LPXN: variants seen among roughly 807,000 people sequenced by gnomAD.
LPXN encodes the protein leupaxin.
LPXN carries 28 observed loss-of-function variants against 45.6 expected under a neutral mutation model. That is an observed-to-expected ratio of 0.61 (90% CI 0.45 to 0.84). The LOEUF is 0.84. Ranked by LOEUF, LPXN falls within the 40% of genes least tolerant of loss-of-function variation. LPXN has a pLI of 0.00. For synonymous variants in LPXN, 166 were observed against 169.9 expected (o/e 0.98, Z 0.18); for missense variants, 459 against 475.0 (o/e 0.97, Z 0.31).
intron 7 of LPXN, among the ~76,000 whole-genome samples, chr11:58,543,777 TG>T (rs1157836765): frequency 1.3e-5 from 2 of 152,196 alleles, no homozygotes; most frequent in Non-Finnish European, 1.5e-5. Context: ...TTTGTAAATA[TG>T]AGAGTTCTAC....
At chr11:58,569,415 C>T (rs1854616206) in intron 2 of LPXN, among the ~76,000 whole-genome samples, 1 of 151,588 alleles carries the variant, frequency 6.6e-6, no homozygotes, top group Non-Finnish European at 1.5e-5. Context: ...TTGAGACAAG[C>T]TCTCATTCTG....
At chr11:58,571,333 C>T (rs1854690681) in intron 1 of LPXN, among the ~76,000 whole-genome samples, 1 of 133,326 alleles carries the variant, frequency 7.5e-6, no homozygotes, top group Non-Finnish European at 1.6e-5. Flanking sequence ...GAGTGATACC[C>T]TGTCTCAAAA....
At chr11:58,541,947 A>G (rs1853737510) in intron 7 of LPXN, among the ~76,000 whole-genome samples, 1 of 151,766 alleles carries the variant, frequency 6.6e-6, no homozygotes. Context: ...AGGACAAAAA[A>G]CCAAACACCG....
At chr11:58,564,484 C>T (rs182672029) in intron 2 of LPXN, among the ~76,000 whole-genome samples, 2 of 152,250 alleles carry the variant, frequency 1.3e-5, no homozygotes, top group East Asian at 3.9e-4. Flanking sequence ...TAGATAAGAA[C>T]CATAAATCAA....
At chr11:58,569,693 G>C (rs1042567010) in intron 2 of LPXN, among the ~76,000 whole-genome samples, 5 of 151,986 alleles carry the variant, frequency 3.3e-5, no homozygotes, top group African/African-American at 1.2e-4. Flanking sequence ...CCTGCCCTAG[G>C]TTTTTAAAAT....
Position 58,550,073 on chromosome 11 carries a change from G to A in LPXN, c.560C>T (p.Ser187Phe), listed in dbSNP as rs1565193921. The A allele has an allele frequency of 1.2e-6, 2 of 1,614,184 alleles. No homozygotes were observed. Among genetic ancestry groups the A allele is most frequent in the Non-Finnish European group, 1.7e-6 (2 of 1,180,046 alleles). Reference sequence around the variant, plus strand: ...GCCACTCCGCTCAAAGAAGGGACTGGAGCCAATCTCTTCTTTGCAATGAGT... The same window carrying A: ...GCCACTCCGCTCAAAGAAGGGACTGAAGCCAATCTCTTCTTTGCAATGAGT... ...VCTHCKEEIGSSPFFERSGLA... is the reference protein window; with the variant it reads ...VCTHCKEEIGFSPFFERSGLA... Residue 187 changes from serine (S) to phenylalanine (F), a missense_variant, in exon 6 of 9, where the codon TCC becomes TTC. Physicochemically the swap from Ser to Phe is radical, Grantham distance 155 (BLOSUM62 -2). Transcript: ENST00000395074.
At chr11:58,541,014 C>G (rs576523653) in intron 7 of LPXN, among the ~76,000 whole-genome samples, 1 of 152,232 alleles carries the variant, frequency 6.6e-6, no homozygotes, top group South Asian at 2.1e-4. Context: ...GGATCCCTTC[C>G]TTACACCTTA....
intron 7 of LPXN, among the ~76,000 whole-genome samples, 171 bp from the exon 8 acceptor site, chr11:58,528,362 G>C (rs1853291522): frequency 6.6e-6 from 1 of 152,236 alleles, no homozygotes; most frequent in South Asian, 2.1e-4. Flanking sequence ...TGCAGAGGAA[G>C]TGTTTTGGCA....
chr11:58,562,515 A>G (rs1854408440), intron 3 of LPXN, among the ~76,000 whole-genome samples: 3 of 152,206 alleles, frequency 2.0e-5, no homozygotes, highest in Non-Finnish European at 4.4e-5. Flanking sequence ...CAGTAATAGG[A>G]AGTACATCAA....
chr11:58,544,952 TC>T (rs1231638613), intron 7 of LPXN, among the ~76,000 whole-genome samples: 2 of 152,136 alleles, frequency 1.3e-5, no homozygotes, highest in Non-Finnish European at 2.9e-5. Context: ...GAATTTAATT[TC>T]CCAGGAGGCT....
intron 7 of LPXN, among the ~76,000 whole-genome samples, chr11:58,542,242 T>C (rs1030921172): frequency 2.6e-5 from 4 of 151,894 alleles, no homozygotes; most frequent in African/African-American, 9.7e-5. Context: ...ACATTATAAG[T>C]CAGGAAACTC....
At chr11:58,543,842 C>T (rs1044477865) in intron 7 of LPXN, among the ~76,000 whole-genome samples, 5 of 152,160 alleles carry the variant, frequency 3.3e-5, no homozygotes, top group Non-Finnish European at 7.3e-5. Flanking sequence ...TTCTGTAAAG[C>T]AGACTATCTA....
intron 7 of LPXN, among the ~76,000 whole-genome samples, chr11:58,549,367 C>T (rs1853971136): frequency 6.6e-6 from 1 of 152,134 alleles, no homozygotes; most frequent in Non-Finnish European, 1.5e-5. Flanking sequence ...GATCGCACCA[C>T]TGCACTCCAG....
intron 3 of LPXN, among the ~76,000 whole-genome samples, chr11:58,562,476 A>G (rs566843989): frequency 3.9e-5 from 6 of 152,330 alleles, no homozygotes; most frequent in African/African-American, 1.4e-4. Flanking sequence ...ACTCTCCCAC[A>G]GAGGCCTGGC....
At chr11:58,534,424 C>T (rs947351703) in intron 7 of LPXN, among the ~76,000 whole-genome samples, 1 of 152,120 alleles carries the variant, frequency 6.6e-6, no homozygotes, top group Admixed American at 6.6e-5. Flanking sequence ...TGAACGACTA[C>T]TGGGTAAATA....
intron 7 of LPXN, among the ~76,000 whole-genome samples, chr11:58,546,105 C>G (rs1330082119): frequency 6.6e-6 from 1 of 151,944 alleles, no homozygotes; most frequent in African/African-American, 2.4e-5. Flanking sequence ...GATATGCCAC[C>G]AGATGAGATA....
At chr11:58,575,933 T>C, upstream of LPXN, 1 of 1,450,848 alleles carries the variant, frequency 6.9e-7, no homozygotes, top group Non-Finnish European at 9.0e-7. Flanking sequence ...TCTTTTGATT[T>C]GGTGAGCTTT....
At chr11:58,572,388 T>TAA (rs1288341278) in intron 1 of LPXN, among the ~76,000 whole-genome samples, 1 of 152,044 alleles carries the variant, frequency 6.6e-6, no homozygotes, top group African/African-American at 2.4e-5. Flanking sequence ...CAAACTGAAC[T>TAA]AAACTCTCGG....
Position 58,527,475 on chromosome 11 carries a change from G to A in LPXN, c.1140C>T (p.Phe380=). 1 of 1,614,184 alleles carries A rather than the reference G, an allele frequency of 6.2e-7. No individual in the cohort carries two copies. The highest frequency in any genetic ancestry group is 8.5e-7 in the Non-Finnish European group (1 of 1,180,042). The change falls in exon 9 of 9, where the codon TTC becomes TTT. Residue 380 remains phenylalanine, a synonymous_variant. Transcript: ENST00000395074. The part of the protein sequence containing the change: ...QNDKTYCQPC[F]NKLFPL ...GGCATTACAGTGGGAAGAGCTTATT[G>A]AAGCAAGGTTGACAATAGGTCTTGT... is the stretch of plus-strand genomic sequence containing the variant.
Sources: gnomAD v4.1 joint callset for allele counts (sites outside exome capture counted in the v4.1 genomes callset) on GRCh38, gnomAD v4.1.1 for gene constraint, MANE v1.5 for transcripts, NCBI Gene and HGNC (gene_info 2026-07-23, HGNC 2026-07-21) for gene names.